MSH4: variants seen among roughly 807,000 people sequenced by gnomAD.
MSH4 encodes mutS homolog 4.
A neutral mutation model predicts 113.7 loss-of-function variants in MSH4; 106 were observed. That is an observed-to-expected ratio of 0.93 (90% CI 0.80 to 1.10). The LOEUF is 1.10. MSH4 is among the 50% of genes least tolerant of loss of function. The pLI is 0.00. For synonymous variants in MSH4, 368 were observed against 380.2 expected, an observed-to-expected ratio of 0.97 and a Z score of 0.37; for missense variants, 1,061 against 1,093.7, an observed-to-expected ratio of 0.97 and a Z score of 0.42.
At chr1:75,811,761 T>C (rs1650194353) in intron 4 of MSH4, among the ~76,000 whole-genome samples, 1 of 152,204 alleles carries the variant, frequency 6.6e-6, no homozygotes, top group Non-Finnish European at 1.5e-5. Flanking sequence ...ATATACTATA[T>C]TTTGTTATGT....
chr1:75,814,332 G>A (rs1412561780), intron 4 of MSH4, among the ~76,000 whole-genome samples: 2 of 151,020 alleles, frequency 1.3e-5, no homozygotes. Flanking sequence ...AGATGTAATG[G>A]TGTGTGCCTG....
chr1:75,883,678 A>T lies in MSH4; in HGVS notation c.1964A>T (p.Glu655Val). The T allele has an allele frequency of 6.2e-7, 1 of 1,613,350 alleles. No homozygotes were observed. Among genetic ancestry groups the T allele is most frequent in the African/African-American group, 1.3e-5 (1 of 74,988 alleles). The change falls in exon 15 of 20, where the codon GAA (glutamate) becomes GTA (valine). Residue 655 changes from glutamate to valine, a missense_variant. Coordinates refer to ENST00000263187, the MANE Select transcript of MSH4 (RefSeq NM_002440.4). ...AIKQGWHPILEKISAEKPIAN... is the reference protein window; with the variant it reads ...AIKQGWHPILVKISAEKPIAN... ...AAACAGGGATGGCATCCTATTCTTG[A>T]AAAAATATCTGCGGAAAAACCTATT...
At chr1:75,886,770 A>G (rs1652131427) in intron 15 of MSH4, among the ~76,000 whole-genome samples, 1 of 140,982 alleles carries the variant, frequency 7.1e-6, no homozygotes, top group African/African-American at 2.6e-5. Context: ...AAATATGTAT[A>G]TAGTTATTAT....
intron 17 of MSH4, among the ~76,000 whole-genome samples, chr1:75,893,377 C>T (rs779237252): frequency 5.9e-5 from 9 of 152,120 alleles, no homozygotes; most frequent in Non-Finnish European, 1.3e-4. Flanking sequence ...TAGGGTATCT[C>T]CTGTTAAAGT....
intron 17 of MSH4, among the ~76,000 whole-genome samples, chr1:75,897,483 A>C (rs1051189549): frequency 6.6e-6 from 1 of 152,180 alleles, no homozygotes; most frequent in Admixed American, 6.5e-5. Flanking sequence ...ACTTACAACT[A>C]GGGAGGCTAC....
intron 1 of MSH4, among the ~76,000 whole-genome samples, chr1:75,799,949 CT>C (rs1277724938): frequency 2.6e-5 from 4 of 151,910 alleles, no homozygotes; most frequent in African/African-American, 9.7e-5. Flanking sequence ...GAAACTAGAG[CT>C]AAGAAGAGAG....
chr1:75,878,501 C>T (rs1333208393), intron 11 of MSH4, among the ~76,000 whole-genome samples, 183 bp downstream of exon 11: 3 of 152,150 alleles, frequency 2.0e-5, no homozygotes, highest in Non-Finnish European at 4.4e-5. Context: ...TCATACTAAA[C>T]TCCTTTTGAA....
At position 75,913,240 on chromosome 1, in the gene MSH4, A is replaced by G. The variant is rs1652826979; in HGVS notation, c.*353A>G. 1 of 153,808 alleles carries G rather than the reference A, an allele frequency of 6.5e-6. No homozygotes were observed. The highest frequency in any genetic ancestry group is 2.1e-4 in the South Asian group (1 of 4,874). The allele number at this position is 153,808 out of a possible 1,614,324, so 9.5% of individuals were successfully genotyped here. On this transcript the variant is annotated 3_prime_UTR_variant, in exon 20 of 20. Transcript: ENST00000263187. ...TAAACACCTTTCTTTTTAGGTCTGG[A>G]AACTTTTTTGAGCTTTTCTTTTACA... is the stretch of plus-strand genomic sequence containing the variant.
chr1:75,880,190 T>C, intron 13 of MSH4, 37 bp downstream of exon 13: 1 of 1,122,558 alleles, frequency 8.9e-7, no homozygotes, highest in Non-Finnish European at 1.3e-6. Context: ...TTGAATTAAA[T>C]TGGTTTAATT....
At chr1:75,818,764 T>C (rs903518349) in intron 6 of MSH4, among the ~76,000 whole-genome samples, 6 of 151,884 alleles carry the variant, frequency 4.0e-5, no homozygotes, top group Non-Finnish European at 7.4e-5. Flanking sequence ...TTTTTTTGTT[T>C]GTTTGTTTTT....
At chr1:75,813,933 G>A (rs1215072893) in intron 4 of MSH4, among the ~76,000 whole-genome samples, 1 of 152,132 alleles carries the variant, frequency 6.6e-6, no homozygotes, top group Non-Finnish European at 1.5e-5. Context: ...TTGAGTCTCA[G>A]CTTTGGCACA....
chr1:75,903,802 T>C (rs954466433), intron 19 of MSH4, among the ~76,000 whole-genome samples: 5 of 152,268 alleles, frequency 3.3e-5, no homozygotes, highest in African/African-American at 1.2e-4. Context: ...GTATAATATG[T>C]CATCTGTAAA....
rs555446997 is a variant in MSH4, at chr1:75,862,645, A to AT, written c.1231-4862dup. ...TTTCTTATAATGTTTCTCAGTTATCATTTTTTTAACCATCTGAAAATTTGT... is the reference window on the plus strand; with the variant it reads ...TTTCTTATAATGTTTCTCAGTTATCATTTTTTTTAACCATCTGAAAATTTGT... On this transcript the variant is annotated intron_variant, in intron 8 of 19. Transcript: ENST00000263187. Among the ~76,000 whole-genome samples the AT allele has an allele frequency of 2.9e-3, 436 of 152,178 alleles. 5 individuals are homozygous for AT. Among genetic ancestry groups the AT allele is most frequent in the African/African-American group, 0.01 (422 of 41,532 alleles).
intron 7 of MSH4, among the ~76,000 whole-genome samples, chr1:75,824,210 A>G (rs571230463): frequency 6.6e-6 from 1 of 152,060 alleles, no homozygotes; most frequent in African/African-American, 2.4e-5. Context: ...TTTGATTTGC[A>G]TTTCTCTAAT....
At chr1:75,908,271 G>A (rs1652713466) in intron 19 of MSH4, among the ~76,000 whole-genome samples, 1 of 149,906 alleles carries the variant, frequency 6.7e-6, no homozygotes, top group African/African-American at 2.5e-5. Flanking sequence ...TCAGCCTCCT[G>A]TGTAGCTGGG....
chr1:75,813,518 G>A (rs889327523), intron 4 of MSH4, among the ~76,000 whole-genome samples: 1 of 152,050 alleles, frequency 6.6e-6, no homozygotes, highest in South Asian at 2.1e-4. Context: ...GACAATAGGA[G>A]ATACCAACCT....
chr1:75,814,897 T>C, intron 4 of MSH4, 124 bp from the exon 5 acceptor site: 2 of 628,378 alleles, frequency 3.2e-6, no homozygotes, highest in Non-Finnish European at 2.8e-6. Flanking sequence ...AGAAAAGTTC[T>C]TATTTAAATG....
chr1:75,891,266 T>G (rs1355125352), intron 17 of MSH4, among the ~76,000 whole-genome samples: 2 of 152,184 alleles, frequency 1.3e-5, no homozygotes, highest in African/African-American at 4.8e-5. Context: ...ATCAACTATG[T>G]AAAACATTGA....
At position 75,890,747 on chromosome 1, in the gene MSH4, G is replaced by T; in HGVS notation, c.2278G>T (p.Glu760Ter). The change falls in exon 17 of 20, where the codon GAA becomes TAA. Residue 760 changes from glutamate (E) to a stop codon, truncating the protein, a stop_gained. Coordinates refer to ENST00000263187, the MANE Select transcript of MSH4 (RefSeq NM_002440.4). LOFTEE classifies it high-confidence loss of function. Reference protein sequence around the residue: ...ANDKSLILIDELGRGTNTEEG... With the variant: ...ANDKSLILID Reference sequence around the variant, plus strand: ...TGACAAATCGCTCATATTAATTGATGAACTTGGCAGAGGTACTAATACGGA... The same window carrying T: ...TGACAAATCGCTCATATTAATTGATTAACTTGGCAGAGGTACTAATACGGA... The T allele has an allele frequency of 6.2e-7, 1 of 1,608,954 alleles. No individual in the cohort carries two copies. The highest frequency in any genetic ancestry group is 1.1e-5 in the South Asian group (1 of 90,040).
Sources: allele counts gnomAD v4.1 joint callset (sites outside exome capture counted in the v4.1 genomes callset), GRCh38; gene constraint gnomAD v4.1.1; transcripts MANE v1.5; gene names NCBI Gene and HGNC (gene_info 2026-07-23, HGNC 2026-07-21).